The following PNPLA8 variants were observed in gnomAD, a reference collection of about 807,000 sequenced individuals.
The protein encoded by PNPLA8 is patatin like domain 8, phospholipase A2.
In PNPLA8, 39 loss-of-function variants were observed where a neutral mutation model predicts 76.9. The ratio of observed to expected loss-of-function variants is 0.51; its 90% CI spans 0.39 to 0.66. PNPLA8 has a LOEUF of 0.66. Ranked by LOEUF, PNPLA8 falls within the 30% of genes least tolerant of loss-of-function variation. PNPLA8 has a pLI of 0.00. For synonymous variants in PNPLA8, 301 were observed against 307.9 expected, an observed-to-expected ratio of 0.98 and a Z score of 0.24; for missense variants, 887 against 918.0, an observed-to-expected ratio of 0.97 and a Z score of 0.44.
intron 7 of PNPLA8, 41 bp downstream of exon 7, chr7:108,496,543 C>T (rs753107099): frequency 3.2e-6 from 4 of 1,262,380 alleles, no homozygotes; most frequent in Non-Finnish European, 3.3e-6. Context: ...CACATACTAC[C>T]TATATAATCA....
At chr7:108,527,072 G>C (rs1214058934), upstream of PNPLA8, among the ~76,000 whole-genome samples, 1 of 152,156 alleles carries the variant, frequency 6.6e-6, no homozygotes, top group Non-Finnish European at 1.5e-5. Flanking sequence ...TTGCAATTAC[G>C]TTGAGGTCGG....
intron 7 of PNPLA8, among the ~76,000 whole-genome samples, chr7:108,492,631 A>G (rs1383115767): frequency 1.3e-5 from 2 of 152,218 alleles, no homozygotes; most frequent in Non-Finnish European, 2.9e-5. Flanking sequence ...AAAAATCAAC[A>G]TGCCTAGATT....
At chr7:108,484,847 T>C (rs983301428) in intron 9 of PNPLA8, among the ~76,000 whole-genome samples, 1 of 152,194 alleles carries the variant, frequency 6.6e-6, no homozygotes, top group African/African-American at 2.4e-5. Context: ...AAAATCTTTA[T>C]ATCCTTCCCA....
intron 8 of PNPLA8, 32 bp downstream of exon 8, chr7:108,491,378 T>C (rs773294735): frequency 2.2e-6 from 3 of 1,351,272 alleles, no homozygotes; most frequent in South Asian, 1.2e-5. Flanking sequence ...CAGATGGAAC[T>C]AGGTGTTATA....
intron 2 of PNPLA8, among the ~76,000 whole-genome samples, chr7:108,516,727 C>A (rs937974157): frequency 6.6e-6 from 1 of 152,054 alleles, no homozygotes; most frequent in South Asian, 2.1e-4. Context: ...ATGGTGAAAC[C>A]CCATCTCTAC....
At chr7:108,496,216 C>T (rs758987221) in intron 7 of PNPLA8, among the ~76,000 whole-genome samples, 7 of 152,038 alleles carry the variant, frequency 4.6e-5, no homozygotes, top group Middle Eastern at 3.4e-3. Context: ...CCCTGGGCAA[C>T]GGGAGTGAGA....
At chr7:108,492,129 G>A (rs989902123) in intron 7 of PNPLA8, among the ~76,000 whole-genome samples, 14 of 152,054 alleles carry the variant, frequency 9.2e-5, no homozygotes, top group Admixed American at 6.5e-4. Context: ...TCCCTATATT[G>A]AATACAAAGA....
chr7:108,505,348 ATATATTTTTTTTTTTTTTT>A (rs1357699038), intron 4 of PNPLA8, among the ~76,000 whole-genome samples: 2 of 6,230 alleles, frequency 3.2e-4, no homozygotes, highest in Non-Finnish European at 4.4e-4. Context: ...ATATATATAT[ATATATTTTTTTTTTTTTTT>A]TTTTTTTTTT....
intron 2 of PNPLA8, among the ~76,000 whole-genome samples, chr7:108,520,586 C>G (rs1863664947): frequency 1.3e-5 from 2 of 151,992 alleles, no homozygotes; most frequent in Admixed American, 1.3e-4. Context: ...TTCAAAATAG[C>G]TAGAAGATTT....
intron 5 of PNPLA8, among the ~76,000 whole-genome samples, chr7:108,499,016 C>A (rs1418574836): frequency 6.6e-6 from 1 of 151,986 alleles, no homozygotes; most frequent in Non-Finnish European, 1.5e-5. Context: ...TTTTTAAATA[C>A]AACAAATAAT....
intron 7 of PNPLA8, among the ~76,000 whole-genome samples, chr7:108,491,696 G>A (rs558482024): frequency 5.3e-5 from 8 of 152,324 alleles, no homozygotes; most frequent in African/African-American, 1.7e-4. Context: ...CAGTTCTGAG[G>A]TGGAGCAACG....
At chr7:108,500,547 C>T (rs1297502651) in intron 5 of PNPLA8, among the ~76,000 whole-genome samples, 1 of 152,178 alleles carries the variant, frequency 6.6e-6, no homozygotes. Flanking sequence ...AGTTTTGTCC[C>T]AGTCACACAC....
chr7:108,499,062 A>T (rs1861761637), intron 5 of PNPLA8, among the ~76,000 whole-genome samples: 1 of 152,236 alleles, frequency 6.6e-6, no homozygotes, highest in Non-Finnish European at 1.5e-5. Flanking sequence ...CTTATGAAAG[A>T]GGTACATTAT....
chr7:108,488,125 T>C (rs1860880067), intron 8 of PNPLA8, among the ~76,000 whole-genome samples, 172 bp from the exon 9 acceptor site: 1 of 152,204 alleles, frequency 6.6e-6, no homozygotes, highest in Non-Finnish European at 1.5e-5. Context: ...CTTTGTGGGA[T>C]AATAGATATA....
At chr7:108,480,996 C>T (rs1175209852) in intron 9 of PNPLA8, among the ~76,000 whole-genome samples, 1 of 152,166 alleles carries the variant, frequency 6.6e-6, no homozygotes, top group Non-Finnish European at 1.5e-5. Context: ...CTTTAAACTG[C>T]CTTCTCTTTC....
In PNPLA8 at chr7:108,505,333, TA is replaced by T. The variant is rs1563967814; in HGVS notation, c.1207-2692del. On this transcript the variant is annotated intron_variant, in intron 4 of 10. Coordinates refer to ENST00000257694, the MANE Select transcript of PNPLA8 (RefSeq NM_001256007.3). ...ATATATATATATATATATATATATA[TA>T]TATATATATATATATATATTTTTTT... is the stretch of plus-strand genomic sequence containing the variant. Among the ~76,000 whole-genome samples, 84 of 9,874 alleles carry T rather than the reference TA, an allele frequency of 8.5e-3. 2 individuals are homozygous for T. The highest frequency in any genetic ancestry group is 0.01 in the Non-Finnish European group (58 of 5,768). 6.5% of individuals were successfully genotyped at this position (9,874 alleles called of 152,430 possible).
chr7:108,509,982 A>T (rs1862773522), intron 4 of PNPLA8, among the ~76,000 whole-genome samples: 1 of 136,762 alleles, frequency 7.3e-6, no homozygotes, highest in East Asian at 2.2e-4. Flanking sequence ...AACAATGAGA[A>T]CACACGGACA....
intron 5 of PNPLA8, among the ~76,000 whole-genome samples, chr7:108,502,038 A>G (rs1304212693): frequency 6.6e-6 from 1 of 152,186 alleles, no homozygotes; most frequent in Non-Finnish European, 1.5e-5. Flanking sequence ...ACTTAGATTA[A>G]TAAAGTATTA....
chr7:108,490,142 CATT>C (rs1861038701), intron 8 of PNPLA8, among the ~76,000 whole-genome samples: 1 of 152,094 alleles, frequency 6.6e-6, no homozygotes, highest in Non-Finnish European at 1.5e-5. Context: ...GTATTCTTAT[CATT>C]GTGTCACAAT....
Sources: gnomAD v4.1 joint callset for allele counts (sites outside exome capture counted in the v4.1 genomes callset) on GRCh38, gnomAD v4.1.1 for gene constraint, MANE v1.5 for transcripts, NCBI Gene and HGNC (gene_info 2026-07-23, HGNC 2026-07-21) for gene names.